The following RAB2A variants were observed in gnomAD, a reference collection of about 807,000 sequenced individuals.
RAB2A encodes the protein ras-related protein Rab-2A.
A neutral mutation model predicts 32.5 loss-of-function variants in RAB2A; 7 were observed. That is an observed-to-expected ratio of 0.22 (90% confidence interval 0.12 to 0.40). The LOEUF (loss-of-function observed/expected upper bound fraction) is 0.40, where lower values mean the gene tolerates loss of function less well. RAB2A is among the 10% of genes least tolerant of loss of function. The pLI is 1.00. For synonymous variants in RAB2A, 79 were observed against 85.2 expected (o/e 0.93, Z 0.40); for missense variants, 108 against 260.7 (o/e 0.41, Z 4.03).
chr8:60,549,215 G>A (rs567774410), intron 1 of RAB2A, among the ~76,000 whole-genome samples: 1 of 152,104 alleles, frequency 6.6e-6, no homozygotes, highest in South Asian at 2.1e-4. Context: ...AGGCGGAGAC[G>A]CTCCTCACTT....
chr8:60,558,223 G>A (rs1165750271), intron 1 of RAB2A, among the ~76,000 whole-genome samples: 1 of 152,122 alleles, frequency 6.6e-6, no homozygotes, highest in Non-Finnish European at 1.5e-5. Flanking sequence ...GTAAGAAGGG[G>A]GTATGGTATT....
intron 3 of RAB2A, among the ~76,000 whole-genome samples, chr8:60,581,946 CTTT>C (rs386412883): frequency 2.1e-5 from 3 of 140,370 alleles, no homozygotes; most frequent in Admixed American, 7.2e-5. Context: ...GTTTTTCTTT[CTTT>C]TTTTTTTTTT....
chr8:60,530,665 A>T, intron 1 of RAB2A, among the ~76,000 whole-genome samples: 1 of 152,242 alleles, frequency 6.6e-6, no homozygotes, highest in Middle Eastern at 3.4e-3. Context: ...TCAATCTAGG[A>T]GTCTGTATTT....
intron 1 of RAB2A, among the ~76,000 whole-genome samples, chr8:60,529,505 G>A (rs1053917855): frequency 6.6e-5 from 10 of 152,088 alleles, no homozygotes; most frequent in African/African-American, 1.9e-4. Flanking sequence ...TACATCTTAC[G>A]GAGGAGTTAC....
intron 5 of RAB2A, among the ~76,000 whole-genome samples, chr8:60,585,317 GTTTTGT>G (rs1212440475): frequency 7.7e-6 from 1 of 129,552 alleles, no homozygotes; most frequent in African/African-American, 2.8e-5. Context: ...GTTTTGTTTT[GTTTTGT>G]TTTGTTTGAG....
At chr8:60,579,972 G>A (rs544185398) in intron 3 of RAB2A, among the ~76,000 whole-genome samples, 3 of 148,012 alleles carry the variant, frequency 2.0e-5, no homozygotes, top group South Asian at 2.1e-4. Context: ...AGGTCAATCC[G>A]AGTTTGGATA....
In RAB2A at chr8:60,565,052, T is replaced by C. The variant is rs41454344; in HGVS notation, c.118+6129T>C. Among the ~76,000 whole-genome samples the C allele has an allele frequency of 6.7e-3, 1,013 of 152,304 alleles. 9 individuals are homozygous for C. The highest frequency in any genetic ancestry group is 0.022 in the African/African-American group (921 of 41,572). On this transcript the variant is annotated intron_variant, in intron 2 of 7. Transcript: ENST00000262646. Reference sequence around the variant, plus strand: ...ACCTACAAATGGACAGTTTGACCAATGTTAGTCTAGCGGCTAGGCCATCTA... The same window carrying C: ...ACCTACAAATGGACAGTTTGACCAACGTTAGTCTAGCGGCTAGGCCATCTA...
intron 6 of RAB2A, among the ~76,000 whole-genome samples, chr8:60,607,239 C>T (rs1313389445): frequency 1.3e-5 from 2 of 150,136 alleles, no homozygotes; most frequent in African/African-American, 4.9e-5. Flanking sequence ...ACCATCCTGG[C>T]TAACATGGTG....
intron 1 of RAB2A, among the ~76,000 whole-genome samples, chr8:60,523,194 G>C (rs1807327483): frequency 6.7e-6 from 1 of 148,240 alleles, no homozygotes; most frequent in South Asian, 2.1e-4. Context: ...CAGTCTCGCT[G>C]TCACCCAGGC....
At chr8:60,606,497 T>A (rs1472234670) in intron 6 of RAB2A, among the ~76,000 whole-genome samples, 1 of 152,186 alleles carries the variant, frequency 6.6e-6, no homozygotes, top group African/African-American at 2.4e-5. Flanking sequence ...ATCTTAAATT[T>A]AAAATGGCAC....
rs1534848 is a variant in RAB2A, at chr8:60,558,758, C to A, written c.47-94C>A. ...TCATGGTAGATTATTCACAGTGCAC[C>A]AGAAACCCTGGCTGCCTCTTTTCCA... is the stretch of plus-strand genomic sequence containing the variant. On this transcript the variant is annotated intron_variant, in intron 1 of 7. Coordinates refer to ENST00000262646, the MANE Select transcript of RAB2A (RefSeq NM_002865.3). 6 of 1,036,506 alleles carry A rather than the reference C, an allele frequency of 5.8e-6. 1 individual carries two copies. In the Middle Eastern group the frequency reaches 6.5e-4, roughly 112 times the overall value. The allele number at this position is 1,036,506 out of a possible 1,614,324, so 64.2% of individuals were successfully genotyped here.
intron 1 of RAB2A, among the ~76,000 whole-genome samples, chr8:60,536,476 A>G (rs989737204): frequency 3.3e-5 from 5 of 152,204 alleles, no homozygotes; most frequent in Non-Finnish European, 5.9e-5. Context: ...TTTCTCTTCA[A>G]GCAACTTTAT....
chr8:60,615,077 T>A (rs1201150647), intron 6 of RAB2A, among the ~76,000 whole-genome samples: 2 of 152,194 alleles, frequency 1.3e-5, no homozygotes, highest in African/African-American at 4.8e-5. Flanking sequence ...TAACAAATAT[T>A]TTTTCCTATT....
At chr8:60,539,163 A>G (rs187345520) in intron 1 of RAB2A, among the ~76,000 whole-genome samples, 1 of 152,320 alleles carries the variant, frequency 6.6e-6, no homozygotes, top group East Asian at 1.9e-4. Flanking sequence ...TCCACTGTGC[A>G]AGGTCGTTTT....
At chr8:60,541,111 A>G (rs1211407153) in intron 1 of RAB2A, among the ~76,000 whole-genome samples, 1 of 152,228 alleles carries the variant, frequency 6.6e-6, no homozygotes, top group African/African-American at 2.4e-5. Flanking sequence ...TGATGTGATG[A>G]AAATGGTATT....
intron 3 of RAB2A, among the ~76,000 whole-genome samples, chr8:60,581,008 TC>T (rs1417321191): frequency 6.6e-6 from 1 of 152,228 alleles, no homozygotes; most frequent in Admixed American, 6.5e-5. Flanking sequence ...AAAATATGTA[TC>T]TTTTTTGTAT....
chr8:60,561,706 A>G (rs1026298735), intron 2 of RAB2A, among the ~76,000 whole-genome samples: 16 of 152,128 alleles, frequency 1.1e-4, no homozygotes, highest in Admixed American at 7.9e-4. Context: ...CATTGGCTCA[A>G]TTTGGTTCAG....
intron 1 of RAB2A, chr8:60,553,163 A>G (rs968514925): frequency 6.6e-6 from 1 of 152,202 alleles, no homozygotes; most frequent in African/African-American, 2.4e-5. Context: ...TGTGCATGTG[A>G]TTAGATAGAT....
At chr8:60,519,224 G>A (rs1807262416) in intron 1 of RAB2A, among the ~76,000 whole-genome samples, 1 of 152,190 alleles carries the variant, frequency 6.6e-6, no homozygotes, top group African/African-American at 2.4e-5. Flanking sequence ...TAGTCATCCT[G>A]AAGCATGAAT....
Sources: allele counts gnomAD v4.1 joint callset (sites outside exome capture counted in the v4.1 genomes callset), GRCh38; gene constraint gnomAD v4.1.1; transcripts MANE v1.5; gene names NCBI Gene and HGNC (gene_info 2026-07-23, HGNC 2026-07-21).